Variants in CCDC3 observed in about 807,000 individuals in gnomAD.
CCDC3 encodes coiled-coil domain containing 3.
A neutral mutation model predicts 21.4 loss-of-function variants in CCDC3; 24 were observed. That is an observed-to-expected ratio of 1.12 (90% CI 0.81 to 1.58). CCDC3 has a LOEUF of 1.58. Ranked by LOEUF, CCDC3 falls within the 40% of genes most tolerant of loss-of-function variation. The pLI, the probability that CCDC3 is intolerant of heterozygous loss-of-function variation, is 0.00. For synonymous variants in CCDC3, 186 were observed against 166.0 expected, an observed-to-expected ratio of 1.12 and a Z score of -0.93; for missense variants, 425 against 360.9, an observed-to-expected ratio of 1.18 and a Z score of -1.44.
At chr10:12,958,690 G>A (rs1835131196) in intron 2 of CCDC3, among the ~76,000 whole-genome samples, 1 of 152,164 alleles carries the variant, frequency 6.6e-6, no homozygotes, top group African/African-American at 2.4e-5. Context: ...TTCTGCCAGA[G>A]CTGGGGGGCA....
At chr10:12,984,120 G>GCA (rs1404647934) in intron 2 of CCDC3, among the ~76,000 whole-genome samples, 1 of 152,050 alleles carries the variant, frequency 6.6e-6, no homozygotes, top group Non-Finnish European at 1.5e-5. Context: ...TGAAAAGACA[G>GCA]CACACACAAT....
At chr10:13,052,071 G>T (rs1836615436) in intron 4 of CCDC3, among the ~76,000 whole-genome samples, 2 of 152,084 alleles carry the variant, frequency 1.3e-5, no homozygotes, top group African/African-American at 4.8e-5. Context: ...AAATTACTAG[G>T]GCAGTATAAT....
chr10:12,993,711 A>G (rs996482632), intron 2 of CCDC3, among the ~76,000 whole-genome samples: 5 of 152,304 alleles, frequency 3.3e-5, no homozygotes, highest in African/African-American at 9.6e-5. Context: ...CCCAAGTCCT[A>G]TTAACACCAT....
intron 2 of CCDC3, among the ~76,000 whole-genome samples, chr10:12,953,013 C>T (rs1835030435): frequency 1.3e-5 from 2 of 152,138 alleles, no homozygotes; most frequent in South Asian, 4.1e-4. Flanking sequence ...GTAATCCACA[C>T]AGTCCTGTTG....
chr10:13,039,815 C>G (rs117615186), intron 5 of CCDC3, among the ~76,000 whole-genome samples: 1 of 151,446 alleles, frequency 6.6e-6, no homozygotes, highest in Non-Finnish European at 1.5e-5. Flanking sequence ...CTTGGAAATG[C>G]GGGAGAGGTG....
chr10:13,025,816 G>A (rs192268252), intron 5 of CCDC3, among the ~76,000 whole-genome samples: 15 of 152,306 alleles, frequency 9.8e-5, no homozygotes, highest in African/African-American at 2.6e-4. Flanking sequence ...GTCTTTAGAC[G>A]TTGCTGGTCC....
intron 4 of CCDC3, chr10:13,058,538 G>A (rs1237139324): frequency 1.4e-6 from 1 of 727,212 alleles, no homozygotes; most frequent in Admixed American, 1.8e-5. Flanking sequence ...CTGTATTTGG[G>A]TGTGCTGTAT....
chr10:12,913,132 A>G (rs982394660), intron 2 of CCDC3, among the ~76,000 whole-genome samples: 16 of 152,192 alleles, frequency 1.1e-4, no homozygotes, highest in African/African-American at 3.9e-4. Flanking sequence ...GAAAAATTCC[A>G]TTAAGGTTTT....
intron 3 of CCDC3, among the ~76,000 whole-genome samples, chr10:13,089,007 C>CA (rs869262596): frequency 0.031 from 3,423 of 110,740 alleles, 113 homozygotes; most frequent in African/African-American, 0.087. Flanking sequence ...GAGACTGTCT[C>CA]AAAAAAAAAA....
At chr10:13,014,612 A>T (rs1381568517) in intron 5 of CCDC3, among the ~76,000 whole-genome samples, 1 of 150,610 alleles carries the variant, frequency 6.6e-6, no homozygotes, top group African/African-American at 2.4e-5. Flanking sequence ...CAATGGTGGT[A>T]CTATATCAAA....
At chr10:12,945,975 G>A (rs2131242955) in intron 2 of CCDC3, among the ~76,000 whole-genome samples, 1 of 152,302 alleles carries the variant, frequency 6.6e-6, no homozygotes, top group East Asian at 1.9e-4. Context: ...TTAGTTGGTT[G>A]TAATTGGTTT....
intron 4 of CCDC3, among the ~76,000 whole-genome samples, chr10:13,057,025 C>T (rs1399708348): frequency 1.3e-5 from 2 of 152,134 alleles, no homozygotes; most frequent in African/African-American, 4.8e-5. Context: ...GGCACAGTAG[C>T]TCTTGCATGT....
intron 3 of CCDC3, among the ~76,000 whole-genome samples, chr10:13,091,236 GA>G (rs1226305819): frequency 2.0e-5 from 3 of 152,142 alleles, no homozygotes; most frequent in Admixed American, 6.5e-5. Flanking sequence ...GACATACCCA[GA>G]AACAATATTT....
At chr10:12,934,051 C>G (rs944515548) in intron 2 of CCDC3, among the ~76,000 whole-genome samples, 1 of 152,112 alleles carries the variant, frequency 6.6e-6, no homozygotes, top group African/African-American at 2.4e-5. Context: ...TTAGATCTTT[C>G]TTCTTTCCTA....
At chr10:13,058,585 T>C (rs1836712945) in intron 4 of CCDC3, 1 of 671,676 alleles carries the variant, frequency 1.5e-6, no homozygotes, top group Non-Finnish European at 2.7e-6. Flanking sequence ...TTTCTGGGCA[T>C]AGTAATCCGT....
At chr10:12,966,931 G>A (rs1835270537) in intron 2 of CCDC3, among the ~76,000 whole-genome samples, 1 of 152,156 alleles carries the variant, frequency 6.6e-6, no homozygotes, top group Non-Finnish European at 1.5e-5. Flanking sequence ...GCAGGGTGTG[G>A]AAATGGAAAC....
chr10:12,933,529 C>T (rs987097160), intron 2 of CCDC3, among the ~76,000 whole-genome samples: 1 of 148,322 alleles, frequency 6.7e-6, no homozygotes, highest in Non-Finnish European at 1.5e-5. Context: ...ATGATTTTGG[C>T]TCACTGCACC....
chr10:13,025,131 T>C (rs921258596), intron 5 of CCDC3, among the ~76,000 whole-genome samples: 2 of 152,230 alleles, frequency 1.3e-5, no homozygotes, highest in Admixed American at 6.5e-5. Flanking sequence ...CTTCACATAT[T>C]GTTGACTTGG....
chr10:13,021,373 T>G (rs1836142586), intron 5 of CCDC3, among the ~76,000 whole-genome samples: 1 of 152,220 alleles, frequency 6.6e-6, no homozygotes, highest in Non-Finnish European at 1.5e-5. Context: ...TCTCTTAAAG[T>G]CAACTCTCTC....
Sources: allele counts gnomAD v4.1 joint callset (sites outside exome capture counted in the v4.1 genomes callset), GRCh38; gene constraint gnomAD v4.1.1; transcripts MANE v1.5; gene names NCBI Gene and HGNC (gene_info 2026-07-23, HGNC 2026-07-21).